SMOC2: variants seen among roughly 807,000 people sequenced by gnomAD.
SMOC2 encodes SPARC-related modular calcium-binding protein 2.
A neutral mutation model predicts 61.4 loss-of-function variants in SMOC2; 39 were observed. The observed-to-expected ratio is 0.64, with a 90% CI of 0.49 to 0.83. The LOEUF (loss-of-function observed/expected upper bound fraction) is 0.83. Among genes scored for constraint, SMOC2 ranks in the 40% least tolerant of loss-of-function variants. The pLI, the probability that SMOC2 is intolerant of heterozygous loss-of-function variation, is 0.00. For synonymous variants in SMOC2, 247 were observed against 239.9 expected (o/e 1.03, Z -0.27); for missense variants, 556 against 592.9 (o/e 0.94, Z 0.65).
rs9456121 is a variant in SMOC2 at position 168,471,997 on chromosome 6, T to C, written c.84+30543T>C. Among the ~76,000 whole-genome samples the C allele has an allele frequency of 4.2e-3, 647 of 152,366 alleles. 7 individuals are homozygous for C. Among genetic ancestry groups the C allele is most frequent in the African/African-American group, 0.015 (606 of 41,594 alleles). ...CAAGTATTTTCTCCCACTCCGTGTG[T>C]GCGTTTCCACTCTGATGACGGTGTC... is the stretch of plus-strand genomic sequence containing the variant. On this transcript the variant is annotated intron_variant, in intron 1 of 12. Transcript: ENST00000356284.
intron 7 of SMOC2, among the ~76,000 whole-genome samples, chr6:168,550,212 C>T (rs901313317): frequency 1.2e-4 from 18 of 152,130 alleles, no homozygotes; most frequent in Non-Finnish European, 1.9e-4. Flanking sequence ...TGAGGAAATA[C>T]GGAGTTAGTA....
At chr6:168,614,264 C>A (rs372860512) in intron 9 of SMOC2, among the ~76,000 whole-genome samples, 345 of 70,586 alleles carry the variant, frequency 4.9e-3, no homozygotes, top group African/African-American at 0.02. Flanking sequence ...CAGCACAGGG[C>A]CTCTTTATAC....
intron 9 of SMOC2, among the ~76,000 whole-genome samples, chr6:168,641,638 A>G (rs1786892767): frequency 6.6e-6 from 1 of 152,210 alleles, no homozygotes; most frequent in African/African-American, 2.4e-5. Context: ...AAAGGCAAAG[A>G]ATTTCTGGAA....
intron 7 of SMOC2, among the ~76,000 whole-genome samples, chr6:168,583,174 A>C (rs1784960604): frequency 6.6e-6 from 1 of 152,256 alleles, no homozygotes; most frequent in East Asian, 1.9e-4. Flanking sequence ...AAGGAAAAAA[A>C]CTAAATAACC....
intron 7 of SMOC2, among the ~76,000 whole-genome samples, chr6:168,583,941 C>T (rs931961550): frequency 2.6e-5 from 4 of 152,182 alleles, no homozygotes; most frequent in Non-Finnish European, 2.9e-5. Flanking sequence ...TGTGCACAGG[C>T]GAGGAAACCA....
intron 1 of SMOC2, among the ~76,000 whole-genome samples, chr6:168,476,785 T>C (rs1457597177): frequency 1.3e-5 from 2 of 152,178 alleles, no homozygotes; most frequent in African/African-American, 4.8e-5. Flanking sequence ...TCTGATTTTT[T>C]CTTCACATAT....
chr6:168,442,324 C>A (rs905963679), intron 1 of SMOC2, among the ~76,000 whole-genome samples: 26 of 152,212 alleles, frequency 1.7e-4, no homozygotes, highest in African/African-American at 5.8e-4. Flanking sequence ...CTTGGCCCGG[C>A]CAACGCACGC....
intron 9 of SMOC2, among the ~76,000 whole-genome samples, chr6:168,615,655 A>C (rs1482587457): frequency 7.4e-5 from 3 of 40,610 alleles, no homozygotes; most frequent in African/African-American, 2.1e-4. Flanking sequence ...ACCTACAGCC[A>C]GCACAGGGGG....
At position 168,562,589 on chromosome 6, in the gene SMOC2, A is replaced by G. The variant is rs1450043668; in HGVS notation, c.637+13386A>G. ...TACATATGAAAAAATGCAAACGTTC[A>G]CCCAAACAAGAGGCGAGGGCTAGAT... On this transcript the variant is annotated intron_variant, in intron 7 of 12. Coordinates refer to ENST00000356284, the MANE Select transcript of SMOC2 (RefSeq NM_001166412.2). Among the ~76,000 whole-genome samples, 4 of 152,018 alleles carry G rather than the reference A, an allele frequency of 2.6e-5. No individual in the cohort carries two copies. The East Asian group carries it at 7.7e-4, about 29-fold the overall frequency.
chr6:168,622,633 C>T (rs184550503), intron 9 of SMOC2, among the ~76,000 whole-genome samples: 3 of 152,174 alleles, frequency 2.0e-5, no homozygotes, highest in East Asian at 3.9e-4. Flanking sequence ...AGACTGTTGC[C>T]GTGTCAAGAA....
chr6:168,644,335 C>T (rs1786970098), intron 9 of SMOC2, among the ~76,000 whole-genome samples: 1 of 152,136 alleles, frequency 6.6e-6, no homozygotes, highest in Non-Finnish European at 1.5e-5. Flanking sequence ...TGTACCAGGT[C>T]GGTGTGTTTT....
chr6:168,574,477 G>A (rs1246093377), intron 7 of SMOC2, among the ~76,000 whole-genome samples: 1 of 152,240 alleles, frequency 6.6e-6, no homozygotes, highest in East Asian at 1.9e-4. Context: ...TTCCCGCCGG[G>A]CCTTGGGGAG....
intron 4 of SMOC2, among the ~76,000 whole-genome samples, chr6:168,543,277 CT>C (rs1466050495): frequency 6.6e-6 from 1 of 152,068 alleles, no homozygotes; most frequent in Non-Finnish European, 1.5e-5. Flanking sequence ...AAAACGTTTC[CT>C]TTTTTACCTA....
At chr6:168,473,709 G>A (rs1464116288) in intron 1 of SMOC2, among the ~76,000 whole-genome samples, 1 of 152,106 alleles carries the variant, frequency 6.6e-6, no homozygotes, top group Non-Finnish European at 1.5e-5. Flanking sequence ...GAATAGTTAG[G>A]GCTGAAACAG....
intron 8 of SMOC2, among the ~76,000 whole-genome samples, chr6:168,607,167 G>A (rs1056547833): frequency 3.9e-5 from 6 of 152,254 alleles, no homozygotes; most frequent in Admixed American, 2.0e-4. Context: ...TTCTGTGTGC[G>A]GAAGATTGTC....
intron 8 of SMOC2, among the ~76,000 whole-genome samples, chr6:168,599,798 TCACA>T (rs1344549744): frequency 4.4e-5 from 1 of 22,958 alleles, no homozygotes; most frequent in Non-Finnish European, 7.8e-5. Flanking sequence ...ATACCCACAG[TCACA>T]CATTCACCCC....
At chr6:168,645,209 AT>A (rs1203292132) in intron 9 of SMOC2, among the ~76,000 whole-genome samples, 1 of 152,214 alleles carries the variant, frequency 6.6e-6, no homozygotes, top group Non-Finnish European at 1.5e-5. Flanking sequence ...TAGTAACATT[AT>A]TTCCATTTCT....
rs551627088 is a variant in SMOC2 at position 168,653,168 on chromosome 6, C to T, written c.1225C>T (p.Leu409=). The T allele has an allele frequency of 1.1e-4, 184 of 1,614,160 alleles. No homozygotes were observed. Among genetic ancestry groups the T allele is most frequent in the Admixed American group, 1.8e-4 (11 of 60,022 alleles). ...TGACAAATCCATCTCCGTACAAGAA[C>T]TGATGGGCTGCCTGGGCGTGGCGAA... is the stretch of plus-strand genomic sequence containing the variant. ...NNDKSISVQE[L]MGCLGVAKED... Residue 409 remains leucine (L), a synonymous_variant, in exon 11 of 13, where the codon CTG becomes TTG. Transcript: ENST00000356284.
At chr6:168,615,894 T>C (rs947538347) in intron 9 of SMOC2, among the ~76,000 whole-genome samples, 1 of 152,166 alleles carries the variant, frequency 6.6e-6, no homozygotes, top group Non-Finnish European at 1.5e-5. Flanking sequence ...ATTCTAATTT[T>C]TTGAAGATTA....
Sources: gnomAD v4.1 joint callset for allele counts (sites outside exome capture counted in the v4.1 genomes callset) on GRCh38, gnomAD v4.1.1 for gene constraint, MANE v1.5 for transcripts, NCBI Gene and HGNC (gene_info 2026-07-23, HGNC 2026-07-21) for gene names.